The following GRID1 variants were observed in gnomAD, a reference collection of about 807,000 sequenced individuals.
The protein encoded by GRID1 is glutamate ionotropic receptor delta type subunit 1.
In GRID1, 28 loss-of-function variants were observed where a neutral mutation model predicts 98.0. The ratio of observed to expected loss-of-function variants is 0.29; its 90% CI spans 0.21 to 0.39. The LOEUF (loss-of-function observed/expected upper bound fraction) is 0.39, where lower values mean the gene tolerates loss of function less well. Ranked by LOEUF, GRID1 falls within the 10% of genes least tolerant of loss-of-function variation. The pLI is 1.00. For synonymous variants in GRID1, 553 were observed against 538.5 expected, an observed-to-expected ratio of 1.03 and a Z score of -0.37; for missense variants, 1,111 against 1,340.5, an observed-to-expected ratio of 0.83 and a Z score of 2.67.
intron 3 of GRID1, among the ~76,000 whole-genome samples, chr10:86,188,595 G>A (rs974870485): frequency 6.6e-6 from 1 of 152,168 alleles, no homozygotes; most frequent in African/African-American, 2.4e-5. Flanking sequence ...GAGGGGTGGG[G>A]ACAAGCATTT....
At chr10:86,316,107 A>T (rs538208391) in intron 2 of GRID1, among the ~76,000 whole-genome samples, 1 of 152,348 alleles carries the variant, frequency 6.6e-6, no homozygotes, top group African/African-American at 2.4e-5. Flanking sequence ...CCAGGGAACT[A>T]GAACTGGTCA....
chr10:85,661,197 T>G (rs553311803), intron 12 of GRID1, among the ~76,000 whole-genome samples: 1 of 151,898 alleles, frequency 6.6e-6, no homozygotes, highest in African/African-American at 2.4e-5. Context: ...CCCGGGCCTG[T>G]GATTTCTGGG....
chr10:86,084,285 T>G (rs776068706), intron 4 of GRID1, among the ~76,000 whole-genome samples: 167 of 151,070 alleles, frequency 1.1e-3, no homozygotes, highest in Non-Finnish European at 1.5e-3. Flanking sequence ...GGAGGCCTTA[T>G]ACTCATTAGG....
intron 8 of GRID1, among the ~76,000 whole-genome samples, chr10:85,746,995 A>T (rs1201031789): frequency 6.6e-6 from 1 of 152,094 alleles, no homozygotes. Flanking sequence ...TGCCTCCCAT[A>T]CAGTAGGTGA....
At chr10:86,221,945 G>A (rs1227444516) in intron 2 of GRID1, among the ~76,000 whole-genome samples, 2 of 152,002 alleles carry the variant, frequency 1.3e-5, no homozygotes, top group Non-Finnish European at 2.9e-5. Context: ...GGGTAGGGAG[G>A]GCAGGGGGTG....
At chr10:85,751,963 T>C (rs1416648957) in intron 8 of GRID1, among the ~76,000 whole-genome samples, 1 of 152,166 alleles carries the variant, frequency 6.6e-6, no homozygotes, top group Non-Finnish European at 1.5e-5. Context: ...AAAGTAACCA[T>C]CCCCATATTT....
chr10:85,666,362 C>T (rs963532910), intron 12 of GRID1, among the ~76,000 whole-genome samples: 2 of 152,142 alleles, frequency 1.3e-5, no homozygotes, highest in African/African-American at 4.8e-5. Context: ...AGCTCTAGAA[C>T]AGTTCTCCTG....
intron 4 of GRID1, among the ~76,000 whole-genome samples, chr10:85,920,831 G>C (rs1381556242): frequency 6.6e-6 from 1 of 152,214 alleles, no homozygotes; most frequent in African/African-American, 2.4e-5. Flanking sequence ...GTTCCCTGCT[G>C]TCTGCAGTTA....
At chr10:86,234,564 G>A (rs1057211539) in intron 2 of GRID1, among the ~76,000 whole-genome samples, 3 of 152,198 alleles carry the variant, frequency 2.0e-5, no homozygotes, top group African/African-American at 7.2e-5. Flanking sequence ...TTTCCTGGGA[G>A]AAAAGAGAAA....
chr10:86,057,104 T>C lies in GRID1; in HGVS notation c.726+81715A>G, dbSNP rs532414432. ...TGGCCCTCGAGAACCCTCCAGTGAGTGGAGAGGACTCTACAGAGGTTTCTA... is the reference window on the plus strand; with the variant it reads ...TGGCCCTCGAGAACCCTCCAGTGAGCGGAGAGGACTCTACAGAGGTTTCTA... On this transcript the variant is annotated intron_variant, in intron 4 of 15. Coordinates refer to ENST00000327946, the MANE Select transcript of GRID1 (RefSeq NM_017551.3). Among the ~76,000 whole-genome samples the C allele has an allele frequency of 2.0e-5, 3 of 152,088 alleles. No homozygotes were observed. The East Asian group carries it at 5.8e-4, about 29-fold the overall frequency.
rs528058559 is a variant in GRID1, at chr10:86,053,558, C to T, written c.726+85261G>A. Among the ~76,000 whole-genome samples the T allele has an allele frequency of 1.2e-3, 180 of 151,872 alleles. 1 individual carries two copies. Among genetic ancestry groups the T allele is most frequent in the African/African-American group, 4.1e-3 (169 of 41,406 alleles). On this transcript the variant is annotated intron_variant, in intron 4 of 15. Transcript: ENST00000327946. ...TGTATTTTTAGTAGAGATGGGGTTT[C>T]GCCGTGTTGGCCAGGCTGGTCTCGA...
intron 4 of GRID1, among the ~76,000 whole-genome samples, chr10:86,044,271 T>C (rs1465438314): frequency 6.6e-6 from 1 of 152,244 alleles, no homozygotes; most frequent in African/African-American, 2.4e-5. Context: ...TTTTTAAAAT[T>C]CTAGGTAAAG....
At chr10:86,125,271 C>G (rs552426583) in intron 4 of GRID1, among the ~76,000 whole-genome samples, 1 of 152,340 alleles carries the variant, frequency 6.6e-6, no homozygotes, top group East Asian at 1.9e-4. Flanking sequence ...AGGCCGAAAC[C>G]CTCCCCACCT....
At chr10:85,662,185 T>C (rs1007985068) in intron 12 of GRID1, among the ~76,000 whole-genome samples, 2 of 152,190 alleles carry the variant, frequency 1.3e-5, no homozygotes, top group Admixed American at 6.5e-5. Flanking sequence ...ATGAATGATG[T>C]ATAAGACACA....
chr10:86,194,750 C>G (rs1845849407), intron 3 of GRID1, among the ~76,000 whole-genome samples: 1 of 152,078 alleles, frequency 6.6e-6, no homozygotes, highest in African/African-American at 2.4e-5. Flanking sequence ...TGCTGGAACC[C>G]CTCACATTGG....
chr10:86,001,195 A>C (rs2131874868), intron 4 of GRID1, among the ~76,000 whole-genome samples: 1 of 152,330 alleles, frequency 6.6e-6, no homozygotes, highest in East Asian at 1.9e-4. Flanking sequence ...CAGGGTAGGA[A>C]AATGCTGTCA....
In GRID1 at chr10:85,669,494, A is replaced by G. The variant is rs76227968; in HGVS notation, c.1998-22097T>C. Reference sequence around the variant, plus strand: ...AAAATTAGAAGCAAAATACGTCTACAGAGAGTGGAGTTCACACTTTCTGAA... The same window carrying G: ...AAAATTAGAAGCAAAATACGTCTACGGAGAGTGGAGTTCACACTTTCTGAA... On this transcript the variant is annotated intron_variant, in intron 12 of 15. Transcript: ENST00000327946. Among the ~76,000 whole-genome samples the G allele has an allele frequency of 7.0e-3, 1,063 of 152,334 alleles. 34 individuals are homozygous for G. The East Asian group carries it at 0.097, about 14-fold the overall frequency.
chr10:85,930,620 T>C (rs1240415167), intron 4 of GRID1, among the ~76,000 whole-genome samples: 1 of 151,682 alleles, frequency 6.6e-6, no homozygotes, highest in Admixed American at 6.6e-5. Context: ...TTTTATCTTG[T>C]TTTGGTATTT....
chr10:85,949,042 G>T (rs1314746899), intron 4 of GRID1, among the ~76,000 whole-genome samples: 1 of 152,130 alleles, frequency 6.6e-6, no homozygotes, highest in Non-Finnish European at 1.5e-5. Context: ...GCTTAAATTT[G>T]GGTGGAGAGG....
Sources: gnomAD v4.1 joint callset for allele counts (sites outside exome capture counted in the v4.1 genomes callset) on GRCh38, gnomAD v4.1.1 for gene constraint, MANE v1.5 for transcripts, NCBI Gene and HGNC (gene_info 2026-07-23, HGNC 2026-07-21) for gene names.